Variants in SMYD1 observed in about 807,000 individuals in gnomAD.
SMYD1 encodes the protein histone-lysine N-methyltransferase SMYD1.
SMYD1 carries 49 observed loss-of-function variants against 54.0 expected under a neutral mutation model. The observed-to-expected ratio is 0.91, with a 90% CI of 0.72 to 1.15. SMYD1 has a LOEUF of 1.15. SMYD1 is among the 50% of genes most tolerant of loss of function. The pLI, the probability that SMYD1 is intolerant of heterozygous loss-of-function variation, is 0.00. For missense variants in SMYD1, 653 were observed against 639.6 expected (o/e 1.02, Z -0.23); for synonymous variants, 269 against 234.2 (o/e 1.15, Z -1.36).
intron 7 of SMYD1, 95 bp downstream of exon 7, chr2:88,103,245 G>A: frequency 3.3e-6 from 3 of 901,084 alleles, no homozygotes; most frequent in Non-Finnish European, 5.3e-6. Context: ...GGGCGGCGGG[G>A]GAGGGGGGCT....
intron 7 of SMYD1, among the ~76,000 whole-genome samples, chr2:88,105,366 C>A (rs1020117855): frequency 1.6e-5 from 2 of 127,552 alleles, no homozygotes; most frequent in African/African-American, 2.9e-5. Flanking sequence ...TGTATATATG[C>A]GCATGCATAT....
At chr2:88,081,347 C>T (rs1015927696) in intron 1 of SMYD1, among the ~76,000 whole-genome samples, 4 of 152,010 alleles carry the variant, frequency 2.6e-5, no homozygotes, top group African/African-American at 7.2e-5. Context: ...TCTGTCTAGA[C>T]AAACAGAGTG....
intron 1 of SMYD1, among the ~76,000 whole-genome samples, chr2:88,070,438 C>A (rs988008750): frequency 1.3e-5 from 2 of 151,244 alleles, no homozygotes; most frequent in African/African-American, 4.8e-5. Flanking sequence ...AAAATTAATT[C>A]TTTCAAACAG....
chr2:88,109,248 A>G (rs1300191551), intron 9 of SMYD1, among the ~76,000 whole-genome samples: 1 of 123,072 alleles, frequency 8.1e-6, no homozygotes, highest in African/African-American at 3.2e-5. Context: ...GGAAGCGTAA[A>G]CAATGGGGTG....
In SMYD1 at chr2:88,110,706, G is replaced by C. The variant is rs933464713; in HGVS notation, c.*194G>C. On this transcript the variant is annotated 3_prime_UTR_variant, in exon 10 of 10. Transcript: ENST00000419482. ...GTCTATTCAATTCAAGTTAACTCTA[G>C]CCCAGCCCAGATCAACTCCTCCTAC... 4 of 577,158 alleles carry C rather than the reference G, an allele frequency of 6.9e-6. No individual in the cohort carries two copies. The highest frequency in any genetic ancestry group is 7.8e-5 in the Admixed American group (2 of 25,762). 35.8% of individuals were successfully genotyped at this position (577,158 alleles called of 1,614,324 possible).
intron 1 of SMYD1, among the ~76,000 whole-genome samples, chr2:88,069,186 T>TGACA (rs1331475355): frequency 6.6e-6 from 1 of 152,198 alleles, no homozygotes; most frequent in Admixed American, 6.5e-5. Context: ...GTGACCTGCT[T>TGACA]GACATCTATG....
chr2:88,093,266 G>A (rs1674503326), intron 4 of SMYD1, among the ~76,000 whole-genome samples: 1 of 152,200 alleles, frequency 6.6e-6, no homozygotes, highest in South Asian at 2.1e-4. Context: ...ACACAGGGAA[G>A]GGAAGGAACT....
At chr2:88,088,166 T>A in intron 3 of SMYD1, 91 bp downstream of exon 3, 2 of 1,366,754 alleles carry the variant, frequency 1.5e-6, no homozygotes, top group Admixed American at 2.6e-5. Flanking sequence ...TTCTCAGAAG[T>A]GAACTAAGAG....
chr2:88,069,978 A>C (rs1573098346), intron 1 of SMYD1, among the ~76,000 whole-genome samples: 2 of 152,208 alleles, frequency 1.3e-5, no homozygotes, highest in East Asian at 3.8e-4. Context: ...CATTCATTTG[A>C]AGTAACAACT....
intron 1 of SMYD1, among the ~76,000 whole-genome samples, chr2:88,073,558 C>T (rs1372362697): frequency 6.6e-6 from 1 of 152,126 alleles, no homozygotes; most frequent in Non-Finnish European, 1.5e-5. Context: ...TCTTCTTTTT[C>T]CTAGTAGATC....
At chr2:88,105,837 C>T (rs1467178984) in intron 7 of SMYD1, among the ~76,000 whole-genome samples, 1 of 152,126 alleles carries the variant, frequency 6.6e-6, no homozygotes, top group Admixed American at 6.5e-5. Flanking sequence ...ACTCAGGAGA[C>T]TGAGGCAGGA....
chr2:88,104,236 G>T (rs956205699), intron 7 of SMYD1, among the ~76,000 whole-genome samples: 2 of 152,148 alleles, frequency 1.3e-5, no homozygotes, highest in Non-Finnish European at 2.9e-5. Flanking sequence ...AAAGTGCTGG[G>T]ATTACAGGCG....
chr2:88,086,255 T>G (rs897287745), intron 2 of SMYD1, among the ~76,000 whole-genome samples: 11 of 152,176 alleles, frequency 7.2e-5, no homozygotes, highest in Admixed American at 3.3e-4. Context: ...AATCTGCAAT[T>G]ATCTCAATTA....
In SMYD1 at chr2:88,096,603, T is replaced by C. The variant is rs775409241; in HGVS notation, c.707T>C (p.Leu236Pro). 6.8e-6 allele frequency: 11 copies of C among 1,611,520 alleles called. No homozygotes were observed. In the East Asian group the frequency reaches 1.8e-4, roughly 26 times the overall value. ...SMFHTQMRIE[L>P]RALGKISEGE... ...CTTTCACCCTGCTTCAGAATTGAGC[T>C]CCGGGCCCTAGGCAAGATCTCAGAA... The change falls in exon 6 of 10, where the codon CTC becomes CCC. Residue 236 changes from leucine to proline, a missense_variant. Physicochemically the swap from Leu to Pro is moderately conservative, Grantham distance 98. Transcript: ENST00000419482.
At chr2:88,073,421 T>C (rs1415152858) in intron 1 of SMYD1, among the ~76,000 whole-genome samples, 9 of 152,224 alleles carry the variant, frequency 5.9e-5, no homozygotes, top group African/African-American at 1.9e-4. Context: ...TTCAGGTAGA[T>C]ATTCAGTAAT....
intron 1 of SMYD1, among the ~76,000 whole-genome samples, chr2:88,079,615 T>C (rs947008080): frequency 6.6e-6 from 1 of 151,890 alleles, no homozygotes; most frequent in Non-Finnish European, 1.5e-5. Context: ...AGGTCAGGAG[T>C]TCCAGACTAG....
rs1674374705 is a variant in SMYD1, at chr2:88,087,961, C to T, written c.414C>T (p.His138=). ...ACGACTTGCAGAACCACGTGGAGCACTTTGGGGAGGAGGAGCAGAAGGACC... is the reference window on the plus strand; with the variant it reads ...ACGACTTGCAGAACCACGTGGAGCATTTTGGGGAGGAGGAGCAGAAGGACC... The part of the protein sequence containing the change: ...SVDDLQNHVE[H]FGEEEQKDLR... The change falls in exon 3 of 10, where the codon CAC becomes CAT. Residue 138 remains histidine (H), a synonymous_variant. Coordinates refer to ENST00000419482, the MANE Select transcript of SMYD1 (RefSeq NM_198274.4). 1 of 1,614,118 alleles carries T rather than the reference C, an allele frequency of 6.2e-7. No individual in the cohort carries two copies. The highest frequency in any genetic ancestry group is 1.1e-5 in the South Asian group (1 of 91,072).
intron 1 of SMYD1, among the ~76,000 whole-genome samples, chr2:88,076,364 G>A (rs981473768): frequency 1.3e-5 from 2 of 152,110 alleles, no homozygotes; most frequent in African/African-American, 2.4e-5. Flanking sequence ...ACAGGCGCCC[G>A]CCACCACGCC....
Position 88,102,858 on chromosome 2 carries a change from A to G in SMYD1, c.889-200A>G, listed in dbSNP as rs10210128. 6.7e-3 allele frequency among the ~76,000 whole-genome samples: 1,026 copies of G among 152,330 alleles called. 12 individuals carry two copies. The highest frequency in any genetic ancestry group is 0.023 in the African/African-American group (951 of 41,564). On this transcript the variant is annotated intron_variant, in intron 6 of 9. Coordinates refer to ENST00000419482, the MANE Select transcript of SMYD1 (RefSeq NM_198274.4). ...CAGCAAGGGTCTGGGACTTGGCTTA[A>G]TAGAAAACACAAGTCAGAAATATGA...
Sources: allele counts gnomAD v4.1 joint callset (sites outside exome capture counted in the v4.1 genomes callset), GRCh38; gene constraint gnomAD v4.1.1; transcripts MANE v1.5; gene names NCBI Gene and HGNC (gene_info 2026-07-23, HGNC 2026-07-21).